IL17RE: variants seen among roughly 807,000 people sequenced by gnomAD.
IL17RE encodes the protein interleukin 17 receptor E.
A neutral mutation model predicts 70.7 loss-of-function variants in IL17RE; 47 were observed. The ratio of observed to expected loss-of-function variants is 0.67; its 90% CI spans 0.53 to 0.85. IL17RE has a LOEUF of 0.85. IL17RE is among the 40% of genes least tolerant of loss of function. The pLI, the probability that IL17RE is intolerant of heterozygous loss-of-function variation, is 0.00. For missense variants in IL17RE, 850 were observed against 893.9 expected (o/e 0.95, Z 0.63); for synonymous variants, 372 against 381.2 (o/e 0.98, Z 0.28).
At chr3:9,902,808 G>A (rs1012848042), upstream of IL17RE, 34 of 1,573,130 alleles carry the variant, frequency 2.2e-5, no homozygotes, top group South Asian at 1.3e-4. Context: ...CGGGCAGGGC[G>A]GGGCCAGGGC....
intron 3 of IL17RE, among the ~76,000 whole-genome samples, chr3:9,906,133 C>T (rs1480713052): frequency 1.3e-5 from 2 of 152,036 alleles, no homozygotes; most frequent in Non-Finnish European, 2.9e-5. Flanking sequence ...CCTGTAATCC[C>T]AGCTACTTGG....
chr3:9,907,234 G>A (rs2082781159), intron 6 of IL17RE, 134 bp downstream of exon 6: 6 of 1,188,590 alleles, frequency 5.0e-6, no homozygotes, highest in Non-Finnish European at 6.0e-6. Context: ...AAGCTGAAGG[G>A]TCTATCATTA....
chr3:9,914,266 C>A, intron 13 of IL17RE: 1 of 735,832 alleles, frequency 1.4e-6, no homozygotes, highest in Non-Finnish European at 2.2e-6. Context: ...GCCTGGAGCT[C>A]AGTGCCATCT....
At chr3:9,906,124 C>T (rs1180112875) in intron 3 of IL17RE, among the ~76,000 whole-genome samples, 1 of 152,022 alleles carries the variant, frequency 6.6e-6, no homozygotes, top group Non-Finnish European at 1.5e-5. Flanking sequence ...TGGCACATGC[C>T]TGTAATCCCA....
chr3:9,908,688 G>C (rs1299420559), intron 7 of IL17RE, among the ~76,000 whole-genome samples: 1 of 152,222 alleles, frequency 6.6e-6, no homozygotes, highest in Non-Finnish European at 1.5e-5. Flanking sequence ...TCCCCTCTAG[G>C]CCTCTGTGGC....
At chr3:9,902,095 G>C (rs2082656717), upstream of IL17RE, among the ~76,000 whole-genome samples, 1 of 152,084 alleles carries the variant, frequency 6.6e-6, no homozygotes, top group African/African-American at 2.4e-5. Flanking sequence ...CTCCATGAAG[G>C]GGAGGAAGCT....
intron 13 of IL17RE, chr3:9,914,326 G>C (rs1038710829): frequency 2.4e-6 from 3 of 1,265,774 alleles, no homozygotes; most frequent in Non-Finnish European, 3.2e-6. Context: ...AGCAGCCCTG[G>C]TCAACTTTGA....
Position 9,904,126 on chromosome 3 carries a change from C to A in IL17RE, c.243C>A (p.Cys81Ter), listed in dbSNP as rs1312424851. The change falls in exon 3 of 16, where the codon TGC becomes TGA. Residue 81 changes from cysteine (C) to a stop codon, truncating the protein, a stop_gained. Transcript: ENST00000383814. LOFTEE classifies it high-confidence loss of function. ...TCTGGCACTGTTCCCGCTGTTTGTG[C>A]CAGCATCTGCTGTCAGGTGGCTCAG... ...VRVWHCSRCL[C>*]QHLLSGGSGL... The A allele has an allele frequency of 2.5e-6, 4 of 1,614,152 alleles. No individual in the cohort carries two copies. The Admixed American group carries it at 5.0e-5, about 20-fold the overall frequency.
chr3:9,904,985 C>T (rs983271398), intron 3 of IL17RE, among the ~76,000 whole-genome samples: 21 of 146,184 alleles, frequency 1.4e-4, no homozygotes, highest in African/African-American at 5.3e-4. Flanking sequence ...GTCCCAGCTA[C>T]TTGGGAAGCT....
chr3:9,911,450 C>A lies in IL17RE; in HGVS notation c.1080C>A (p.Leu360=). The part of the protein sequence containing the change: ...HVECPHQTGS[L]TSWNVSMDTQ... ...CCACCCCGCCCCAAACAGGGTCTCT[C>A]ACATCCTGGAATGTAAGCATGGATA... Residue 360 remains leucine, a synonymous_variant, in exon 12 of 16, where the codon CTC becomes CTA. Transcript: ENST00000383814. 1 of 1,614,166 alleles carries A rather than the reference C, an allele frequency of 6.2e-7. No homozygotes were observed. The highest frequency in any genetic ancestry group is 1.1e-5 in the South Asian group (1 of 91,078).
Position 9,915,507 on chromosome 3 carries a change from C to T in IL17RE, c.1704C>T (p.Ser568=). The T allele has an allele frequency of 1.5e-6, 2 of 1,312,382 alleles. No homozygotes were observed. Among genetic ancestry groups the T allele is most frequent in the South Asian group, 2.3e-5 (1 of 43,308 alleles). The allele number at this position is 1,312,382 out of a possible 1,614,324, so 81.3% of individuals were successfully genotyped here. The part of the protein sequence containing the change: ...LWSGADLRPV[S]GPDPRAAPLL... ...GCGGCGCCGACCTTCGCCCGGTCAG[C>T]GGCCCCGACCCCCGCGCCGCGCCCC... The change falls in exon 16 of 16, where the codon AGC becomes AGT. Residue 568 remains serine (S), a synonymous_variant. Transcript: ENST00000383814. The surrounding 1 kb of genome is among the most constrained non-coding windows in gnomAD (Gnocchi z 4.9).
At chr3:9,905,547 G>A (rs183100474) in intron 3 of IL17RE, among the ~76,000 whole-genome samples, 18 of 151,358 alleles carry the variant, frequency 1.2e-4, no homozygotes, top group Non-Finnish European at 1.5e-4. Flanking sequence ...AGGGACTGGC[G>A]TGGTGGCTCA....
chr3:9,911,097 T>C, intron 9 of IL17RE, 30 bp from the exon 10 acceptor site: 3 of 1,614,114 alleles, frequency 1.9e-6, no homozygotes, highest in Non-Finnish European at 2.5e-6. Flanking sequence ...AGGAATTTTC[T>C]CCCTGATGAA....
In IL17RE at chr3:9,908,268, G is replaced by C. The variant is rs765475776; in HGVS notation, c.696G>C (p.Glu232Asp). ...QKIVSGGHTVELPYEFLLPCL... is the reference protein window; with the variant it reads ...QKIVSGGHTVDLPYEFLLPCL... ...TTGTGTCTGGGGGCCACACTGTAGA[G>C]CTGCCTTATGAATTCCTTCTGCCCT... Residue 232 changes from glutamate to aspartate, a missense_variant, in exon 7 of 16, where the codon GAG becomes GAC. Transcript: ENST00000383814. 2.5e-6 allele frequency: 4 copies of C among 1,614,106 alleles called. No individual in the cohort carries two copies. The highest frequency in any genetic ancestry group is 2.7e-5 in the African/African-American group (2 of 74,940).
chr3:9,902,556 G>GA, upstream of IL17RE: 2 of 1,405,252 alleles, frequency 1.4e-6, no homozygotes, highest in Non-Finnish European at 1.9e-6. Flanking sequence ...ACAAGTTCCA[G>GA]AGTGTGCTGA....
chr3:9,914,252 A>ATCTG, intron 13 of IL17RE: 1 of 705,782 alleles, frequency 1.4e-6, no homozygotes. Context: ...GCATGGTGAC[A>ATCTG]ATGGCCTGGA....
In IL17RE at chr3:9,906,816, T is replaced by A. The variant is rs1456511971; in HGVS notation, c.477T>A (p.Asp159Glu). 1 of 1,613,992 alleles carries A rather than the reference T, an allele frequency of 6.2e-7. No homozygotes were observed. Among genetic ancestry groups the A allele is most frequent in the Non-Finnish European group, 8.5e-7 (1 of 1,180,032 alleles). The change falls in exon 5 of 16, where the codon GAT becomes GAA. Residue 159 changes from aspartate to glutamate, a missense_variant. Physicochemically the swap from Asp to Glu is conservative, Grantham distance 45. Coordinates refer to ENST00000383814, the MANE Select transcript of IL17RE (RefSeq NM_153480.2). ...GLRSKRTQPS[D>E]PETWESLPRL... ...GCTCTAAAAGGACCCAACCTTCGGA[T>A]CCAGAGACATGGGAAAGTCTTCCCA...
chr3:9,904,429 A>G (rs899036348), intron 3 of IL17RE, among the ~76,000 whole-genome samples: 2 of 152,202 alleles, frequency 1.3e-5, no homozygotes, highest in Non-Finnish European at 2.9e-5. Flanking sequence ...TTCTTACTCT[A>G]TATTTTAATT....
chr3:9,916,170 G>C lies in IL17RE; in HGVS notation c.*363G>C. 1 of 197,846 alleles carries C rather than the reference G, an allele frequency of 5.1e-6. No homozygotes were observed. Among genetic ancestry groups the C allele is most frequent in the Non-Finnish European group, 1.0e-5 (1 of 98,290 alleles). 12.3% of individuals were successfully genotyped at this position (197,846 alleles called of 1,614,324 possible). On this transcript the variant is annotated 3_prime_UTR_variant, in exon 16 of 16. Coordinates refer to ENST00000383814, the MANE Select transcript of IL17RE (RefSeq NM_153480.2). ...CCATGTCAGTTCTGAAGGAGGGTGA[G>C]GCGGTGGGGGATTGCAGGGGGCGGC... is the stretch of plus-strand genomic sequence containing the variant.
Sources: gnomAD v4.1 joint callset for allele counts (sites outside exome capture counted in the v4.1 genomes callset) on GRCh38, gnomAD v4.1.1 for gene constraint, Gnocchi (gnomAD v3.1) non-coding constraint, MANE v1.5 for transcripts, NCBI Gene and HGNC (gene_info 2026-07-23, HGNC 2026-07-21) for gene names.